Variants in IQCH observed in about 807,000 individuals in gnomAD.
The protein encoded by IQCH is IQ motif containing H, also known as IQ domain-containing protein H.
A neutral mutation model predicts 117.0 loss-of-function variants in IQCH; 98 were observed. The ratio of observed to expected loss-of-function variants is 0.84; its 90% CI spans 0.71 to 0.99. The LOEUF (loss-of-function observed/expected upper bound fraction) is 0.99, where lower values mean the gene tolerates loss of function less well. Ranked by LOEUF, IQCH falls within the 50% of genes least tolerant of loss-of-function variation. IQCH has a pLI of 0.00. For synonymous variants in IQCH, 412 were observed against 448.2 expected, an observed-to-expected ratio of 0.92 and a Z score of 1.02; for missense variants, 1,102 against 1,243.8, an observed-to-expected ratio of 0.89 and a Z score of 1.72.
intron 15 of IQCH, among the ~76,000 whole-genome samples, chr15:67,419,618 A>G (rs2081672655): frequency 6.6e-6 from 1 of 152,206 alleles, no homozygotes; most frequent in Admixed American, 6.5e-5. Flanking sequence ...CAGTGGCACA[A>G]TTATAGCTCA....
At chr15:67,304,072 T>A (rs1422787146) in intron 4 of IQCH, among the ~76,000 whole-genome samples, 2 of 152,288 alleles carry the variant, frequency 1.3e-5, no homozygotes, top group East Asian at 3.9e-4. Context: ...TTGGTTGGCT[T>A]CCAGCATTAT....
At chr15:67,299,773 TTCTG>T (rs1966931891) in intron 4 of IQCH, among the ~76,000 whole-genome samples, 1 of 152,148 alleles carries the variant, frequency 6.6e-6, no homozygotes, top group Non-Finnish European at 1.5e-5. Context: ...TGTATTCAGA[TTCTG>T]TCTTTTTGGC....
intron 3 of IQCH, among the ~76,000 whole-genome samples, chr15:67,278,435 G>A (rs1288266507): frequency 6.6e-6 from 1 of 152,192 alleles, no homozygotes; most frequent in Non-Finnish European, 1.5e-5. Flanking sequence ...TTGTCAATTA[G>A]AGCTGAAGCG....
intron 20 of IQCH, among the ~76,000 whole-genome samples, chr15:67,498,532 C>T (rs892731110): frequency 9.2e-5 from 14 of 151,642 alleles, no homozygotes; most frequent in Non-Finnish European, 1.6e-4. Flanking sequence ...AGGAGAATCA[C>T]TTGAACTCAG....
At chr15:67,469,278 T>C (rs768326918) in intron 17 of IQCH, among the ~76,000 whole-genome samples, 2 of 152,154 alleles carry the variant, frequency 1.3e-5, no homozygotes, top group African/African-American at 2.4e-5. Context: ...AGTTTCCTCA[T>C]TTCTAAAATA....
Position 67,336,985 on chromosome 15 carries a change from C to T in IQCH, c.398C>T (p.Ser133Leu), listed in dbSNP as rs1010034421. ...TTTTTTATTATCTAGATAAAGGTTT[C>T]GAAGTTAATCAAAGGGTCTAACATA... The part of the protein sequence containing the change: ...PVFPRAKIKV[S>L]KLIKGSNISS... The change falls in exon 5 of 21, where the codon TCG (serine) becomes TTG (leucine). Residue 133 changes from serine (S) to leucine (L), a missense_variant. Transcript: ENST00000335894. The T allele has an allele frequency of 3.7e-6, 6 of 1,613,314 alleles. No individual in the cohort carries two copies. The highest frequency in any genetic ancestry group is 1.7e-5 in the Admixed American group (1 of 59,952).
rs2082009056 is a variant in IQCH at position 67,431,074 on chromosome 15, A to G, written c.2505+9497A>G. On this transcript the variant is annotated intron_variant, in intron 16 of 20. Transcript: ENST00000335894. The surrounding 1 kb of genome is among the most constrained non-coding windows in gnomAD (Gnocchi z 4.8). ...ATATGAGGAGGGTAAGAAAGAGTGT[A>G]TTCCAAGTGAGAAACAGGCTCACTT... Among the ~76,000 whole-genome samples the G allele has an allele frequency of 1.3e-5, 2 of 152,168 alleles. 1 individual carries two copies. Among genetic ancestry groups the G allele is most frequent in the Admixed American group, 1.3e-4 (2 of 15,272 alleles).
At chr15:67,326,034 G>A (rs993907968) in intron 4 of IQCH, among the ~76,000 whole-genome samples, 3 of 152,148 alleles carry the variant, frequency 2.0e-5, no homozygotes, top group Non-Finnish European at 4.4e-5. Flanking sequence ...TGTTGCATGT[G>A]TGTGCGTGTG....
At position 67,481,654 on chromosome 15, in the gene IQCH, C is replaced by T. The variant is rs1457905441; in HGVS notation, c.2799+5836C>T. On this transcript the variant is annotated intron_variant, in intron 18 of 20. Coordinates refer to ENST00000335894, the MANE Select transcript of IQCH (RefSeq NM_001031715.3). The surrounding 1 kb of genome is among the most constrained non-coding windows in gnomAD (Gnocchi z 4.1). The stretch of plus-strand genomic sequence containing the variant: ...AAGGGTATAGCTCTCCTACTGAAGC[C>T]TCATAGGCTTAAGATAACTGAAATT... Among the ~76,000 whole-genome samples the T allele has an allele frequency of 6.6e-6, 1 of 152,106 alleles. No homozygotes were observed. The highest frequency in any genetic ancestry group is 2.4e-5 in the African/African-American group (1 of 41,394).
Position 67,407,680 on chromosome 15 carries a change from A to AT in IQCH, c.2097+7379dup, listed in dbSNP as rs1290508720. The AT allele has an allele frequency of 3.3e-5, 5 of 152,306 alleles. No individual in the cohort carries two copies. The highest frequency in any genetic ancestry group is 7.3e-5 in the Non-Finnish European group (5 of 68,046). The allele number at this position is 152,306 out of a possible 1,614,324, so 9.4% of individuals were successfully genotyped here. On this transcript the variant is annotated intron_variant, in intron 14 of 20. Coordinates refer to ENST00000335894, the MANE Select transcript of IQCH (RefSeq NM_001031715.3). The surrounding 1 kb of genome is among the most constrained non-coding windows in gnomAD (Gnocchi z 5.3). ...TAATATGCTTACAAAGTACCCTTTGATTTTCTGTCACACGTTAATTACAGC... is the reference window on the plus strand; with the variant it reads ...TAATATGCTTACAAAGTACCCTTTGATTTTTCTGTCACACGTTAATTACAGC...
At chr15:67,469,635 C>G (rs2083020376) in intron 17 of IQCH, among the ~76,000 whole-genome samples, 2 of 152,204 alleles carry the variant, frequency 1.3e-5, no homozygotes. Flanking sequence ...TTGTGCCAGG[C>G]ACTCTACTAA....
At chr15:67,347,227 T>C (rs997140824) in intron 6 of IQCH, among the ~76,000 whole-genome samples, 52 of 147,158 alleles carry the variant, frequency 3.5e-4, no homozygotes, top group African/African-American at 1.2e-3. Flanking sequence ...AGGAATTCAG[T>C]GAAACCAAAC....
chr15:67,449,996 G>T (rs978914961), intron 16 of IQCH, among the ~76,000 whole-genome samples: 1 of 152,160 alleles, frequency 6.6e-6, no homozygotes, highest in Non-Finnish European at 1.5e-5. Flanking sequence ...AATTGTGAAT[G>T]GGAGTTTACT....
Position 67,364,593 on chromosome 15 carries a change from T to C in IQCH, c.753+4708T>C, listed in dbSNP as rs1970266769. Among the ~76,000 whole-genome samples the C allele has an allele frequency of 6.6e-6, 1 of 152,208 alleles. No individual in the cohort carries two copies. The highest frequency in any genetic ancestry group is 1.5e-5 in the Non-Finnish European group (1 of 68,020). ...TAAATTATCAGCCAACAAGATAATC[T>C]GTATTTTTTCACTTTATCTCTTTCA... On this transcript the variant is annotated intron_variant, in intron 8 of 20. Transcript: ENST00000335894. This position sits in a 1 kb window ranked among gnomAD's most constrained non-coding sequence, Gnocchi z 4.1.
rs1226732967 is a variant in IQCH, at chr15:67,442,858, AGATAG to A, written c.2505+21282_2505+21286del. On this transcript the variant is annotated intron_variant, in intron 16 of 20. Transcript: ENST00000335894. ...TAGATAGATAGATAGATAGATAGAT[AGATAG>A]ATATACATATATATATATATAAAAT... Among the ~76,000 whole-genome samples, 577 of 141,818 alleles carry A rather than the reference AGATAG, an allele frequency of 4.1e-3. 2 individuals are homozygous for A. The highest frequency in any genetic ancestry group is 0.015 in the African/African-American group (552 of 36,914). 93.0% of individuals were successfully genotyped at this position (141,818 alleles called of 152,430 possible).
intron 16 of IQCH, among the ~76,000 whole-genome samples, chr15:67,434,520 G>C (rs1167932891): frequency 6.6e-6 from 1 of 152,154 alleles, no homozygotes; most frequent in Non-Finnish European, 1.5e-5. Flanking sequence ...CTGACACTTA[G>C]GTTGTTTCCA....
At chr15:67,478,498 G>C (rs1249094252) in intron 18 of IQCH, among the ~76,000 whole-genome samples, 1 of 152,000 alleles carries the variant, frequency 6.6e-6, no homozygotes, top group Non-Finnish European at 1.5e-5. Context: ...TAAAATGAGA[G>C]AGAAGAAGAA....
chr15:67,361,017 C>G (rs1248246761), intron 8 of IQCH, among the ~76,000 whole-genome samples: 1 of 152,230 alleles, frequency 6.6e-6, no homozygotes, highest in Non-Finnish European at 1.5e-5. Context: ...GTTGACTGAG[C>G]ATGTCCTGCA....
chr15:67,406,611 G>A lies in IQCH; in HGVS notation c.2097+6306G>A, dbSNP rs565219142. ...TTTTTTTAGTCTCCTATTCCAGGTTGACATAGTAAACTGCCTTTTAAGCAG... is the reference window on the plus strand; with the variant it reads ...TTTTTTTAGTCTCCTATTCCAGGTTAACATAGTAAACTGCCTTTTAAGCAG... On this transcript the variant is annotated intron_variant, in intron 14 of 20. Transcript: ENST00000335894. The surrounding 1 kb of genome is among the most constrained non-coding windows in gnomAD (Gnocchi z 4.5). The A allele has an allele frequency of 2.6e-5, 4 of 152,270 alleles. No individual in the cohort carries two copies. The highest frequency in any genetic ancestry group is 1.3e-4 in the Admixed American group (2 of 15,294). The allele number at this position is 152,270 out of a possible 1,614,324, so 9.4% of individuals were successfully genotyped here. A position where few individuals can be genotyped will look rare whatever the true frequency, so the allele number is the denominator to read the frequency against.
Sources: allele counts gnomAD v4.1 joint callset (sites outside exome capture counted in the v4.1 genomes callset), GRCh38; gene constraint gnomAD v4.1.1; non-coding constraint Gnocchi (gnomAD v3.1); transcripts MANE v1.5; gene names NCBI Gene and HGNC (gene_info 2026-07-23, HGNC 2026-07-21).